The following PIP5K1B variants were observed in gnomAD, a reference collection of about 807,000 sequenced individuals.
The protein encoded by PIP5K1B is phosphatidylinositol-4-phosphate 5-kinase type 1 beta.
Under a neutral mutation model 67.0 loss-of-function variants are expected in PIP5K1B, and 42 were observed. That is an observed-to-expected ratio of 0.63 (90% CI 0.49 to 0.81). The LOEUF (loss-of-function observed/expected upper bound fraction) is 0.81. PIP5K1B is among the 30% of genes least tolerant of loss of function. The pLI is 0.00. For missense variants in PIP5K1B, 459 were observed against 646.3 expected (o/e 0.71, Z 3.14); for synonymous variants, 214 against 231.4 (o/e 0.92, Z 0.68).
chr9:68,958,044 T>G (rs1442239472), intron 14 of PIP5K1B, among the ~76,000 whole-genome samples: 1 of 152,084 alleles, frequency 6.6e-6, no homozygotes, highest in Admixed American at 6.5e-5. Context: ...GGCTAATTTT[T>G]GTGTTTTTTG....
chr9:68,873,509 T>C (rs1823729447), intron 5 of PIP5K1B, among the ~76,000 whole-genome samples: 1 of 152,028 alleles, frequency 6.6e-6, no homozygotes, highest in Non-Finnish European at 1.5e-5. Context: ...GCTGGACTTT[T>C]TGGACTTCTA....
chr9:68,821,707 C>A (rs558132221), intron 3 of PIP5K1B, among the ~76,000 whole-genome samples: 4 of 152,320 alleles, frequency 2.6e-5, no homozygotes, highest in African/African-American at 9.6e-5. Context: ...TATGCCCTAG[C>A]AGTTCCAAGA....
chr9:68,711,603 AT>A lies in PIP5K1B; in HGVS notation c.-243+5846del, dbSNP rs553087061. On this transcript the variant is annotated intron_variant, in intron 1 of 15. Coordinates refer to ENST00000265382, the MANE Select transcript of PIP5K1B (RefSeq NM_003558.4). ...CCATAATTATTCTAATGATTCTATT[AT>A]TTTTCGAACCATTTTAGAAATATTA... Among the ~76,000 whole-genome samples the A allele has an allele frequency of 3.3e-5, 5 of 152,268 alleles. No individual in the cohort carries two copies. In the South Asian group the frequency reaches 1.0e-3, roughly 32 times the overall value.
chr9:68,922,835 C>A (rs1826477797), intron 11 of PIP5K1B, among the ~76,000 whole-genome samples: 1 of 152,180 alleles, frequency 6.6e-6, no homozygotes, highest in South Asian at 2.1e-4. Context: ...GGAGATGAAA[C>A]CAGAACTTTT....
intron 12 of PIP5K1B, among the ~76,000 whole-genome samples, chr9:68,929,163 TAAAAAAAAAA>T (rs60505568): frequency 9.9e-6 from 1 of 101,506 alleles, no homozygotes; most frequent in Non-Finnish European, 2.0e-5. Flanking sequence ...AGACTCTATC[TAAAAAAAAAA>T]AAAAAAAAAA....
chr9:68,985,124 G>T (rs1830045013), intron 14 of PIP5K1B, among the ~76,000 whole-genome samples: 1 of 152,172 alleles, frequency 6.6e-6, no homozygotes, highest in Non-Finnish European at 1.5e-5. Flanking sequence ...GAAGGCAGCT[G>T]CAATCTCACT....
chr9:68,949,841 CAG>C (rs1827973039), intron 14 of PIP5K1B, among the ~76,000 whole-genome samples: 1 of 152,170 alleles, frequency 6.6e-6, no homozygotes, highest in African/African-American at 2.4e-5. Context: ...AAGTGAGGCA[CAG>C]AAACTACTGG....
chr9:68,985,697 A>T (rs1298807955), intron 14 of PIP5K1B, among the ~76,000 whole-genome samples: 1 of 152,204 alleles, frequency 6.6e-6, no homozygotes, highest in Non-Finnish European at 1.5e-5. Flanking sequence ...GACATTGCAG[A>T]TGGCTCCCCA....
chr9:68,759,332 C>T (rs1007330187), intron 2 of PIP5K1B, among the ~76,000 whole-genome samples: 2 of 152,042 alleles, frequency 1.3e-5, no homozygotes, highest in Admixed American at 6.6e-5. Context: ...GGACTCATGG[C>T]GTGTTAAGAT....
rs560588181 is a variant in PIP5K1B, at chr9:68,834,836, C to G, written c.69+12153C>G. On this transcript the variant is annotated intron_variant, in intron 4 of 15. Coordinates refer to ENST00000265382, the MANE Select transcript of PIP5K1B (RefSeq NM_003558.4). ...CTGTACAGGCATTTGAAAGTTGGCT[C>G]TTAATGATGTGGCATCCTGAAGTCC... 5.3e-5 allele frequency among the ~76,000 whole-genome samples: 8 copies of G among 152,282 alleles called. No individual in the cohort carries two copies. The South Asian group carries it at 1.7e-3, about 32-fold the overall frequency.
chr9:68,805,374 ACTCTGT>A (rs1832816400), intron 2 of PIP5K1B, among the ~76,000 whole-genome samples: 1 of 152,068 alleles, frequency 6.6e-6, no homozygotes, highest in Admixed American at 6.6e-5. Flanking sequence ...ATGAGGGTCC[ACTCTGT>A]CCTGTGGTGC....
chr9:68,931,354 C>A (rs945111789), intron 12 of PIP5K1B, among the ~76,000 whole-genome samples: 1 of 152,126 alleles, frequency 6.6e-6, no homozygotes, highest in Non-Finnish European at 1.5e-5. Flanking sequence ...CACTCGTGCA[C>A]CTATTATGTA....
At position 69,008,430 on chromosome 9, in the gene PIP5K1B, T is replaced by C. The variant is rs1361958916; in HGVS notation, c.1621-17T>C. The stretch of plus-strand genomic sequence containing the variant: ...TGCCAAAATCTAGTCTCACACCTGC[T>C]TTTTTGCTCCCCCCAGTAAGTGAAA... On this transcript the variant is annotated splice_polypyrimidine_tract_variant and intron_variant, in intron 15 of 15. Coordinates refer to ENST00000265382, the MANE Select transcript of PIP5K1B (RefSeq NM_003558.4). 2 of 1,612,834 alleles carry C rather than the reference T, an allele frequency of 1.2e-6. No individual in the cohort carries two copies. Among genetic ancestry groups the C allele is most frequent in the Non-Finnish European group, 1.7e-6 (2 of 1,178,952 alleles).
At chr9:68,879,266 A>C (rs542910010) in intron 6 of PIP5K1B, among the ~76,000 whole-genome samples, 1 of 152,340 alleles carries the variant, frequency 6.6e-6, no homozygotes, top group Admixed American at 6.5e-5. Flanking sequence ...TGGTCAAAGC[A>C]TACAAAATGT....
At chr9:68,853,838 T>C (rs1423413047) in intron 4 of PIP5K1B, among the ~76,000 whole-genome samples, 2 of 152,068 alleles carry the variant, frequency 1.3e-5, no homozygotes, top group African/African-American at 4.8e-5. Flanking sequence ...CTGGACAGCC[T>C]TTTCAGTTCC....
intron 4 of PIP5K1B, among the ~76,000 whole-genome samples, chr9:68,855,255 G>A (rs1362239632): frequency 2.6e-5 from 4 of 152,052 alleles, no homozygotes; most frequent in South Asian, 2.1e-4. Context: ...TCACTCCTAC[G>A]TCTCCTCCAA....
chr9:68,975,120 G>A lies in PIP5K1B; in HGVS notation c.1503-16020G>A, dbSNP rs550889236. 2.6e-5 allele frequency among the ~76,000 whole-genome samples: 4 copies of A among 152,352 alleles called. 1 individual carries two copies. In the East Asian group the frequency reaches 7.7e-4, roughly 29 times the overall value. ...GTTTTGCTGTGTCACCCAGGCTGGA[G>A]TGCAGTGGCACGATCACAGCTCGCT... On this transcript the variant is annotated intron_variant, in intron 14 of 15. Coordinates refer to ENST00000265382, the MANE Select transcript of PIP5K1B (RefSeq NM_003558.4).
intron 1 of PIP5K1B, chr9:68,728,748 T>A (rs1828270587): frequency 6.6e-6 from 1 of 152,036 alleles, no homozygotes; most frequent in Non-Finnish European, 1.5e-5. Context: ...GATAATGACT[T>A]TGGATTTTGT....
chr9:68,918,548 A>T (rs1171053346), intron 9 of PIP5K1B, among the ~76,000 whole-genome samples: 1 of 152,204 alleles, frequency 6.6e-6, no homozygotes, highest in African/African-American at 2.4e-5. Flanking sequence ...ATTAATTTGC[A>T]TGTGTAAAAT....
Sources: gnomAD v4.1 joint callset for allele counts (sites outside exome capture counted in the v4.1 genomes callset) on GRCh38, gnomAD v4.1.1 for gene constraint, MANE v1.5 for transcripts, NCBI Gene and HGNC (gene_info 2026-07-23, HGNC 2026-07-21) for gene names.